The following LCT variants were observed in gnomAD, a reference collection of about 807,000 sequenced individuals.
LCT encodes the protein lactase, also known as lactase/phlorizin hydrolase.
A neutral mutation model predicts 173.0 loss-of-function variants in LCT; 90 were observed. The observed-to-expected ratio is 0.52, with a 90% CI of 0.44 to 0.62. LCT has a LOEUF of 0.62. LCT is among the 20% of genes least tolerant of loss of function. LCT has a pLI of 0.00. For synonymous variants in LCT, 853 were observed against 957.6 expected, an observed-to-expected ratio of 0.89 and a Z score of 2.02; for missense variants, 1,864 against 2,431.4, an observed-to-expected ratio of 0.77 and a Z score of 4.91.
Position 135,790,909 on chromosome 2 carries a change from T to G in LCT, c.5112-28A>C, listed in dbSNP as rs2077529556. 1 of 1,547,810 alleles carries G rather than the reference T, an allele frequency of 6.5e-7. No homozygotes were observed. The highest frequency in any genetic ancestry group is 1.7e-5 in the Admixed American group (1 of 59,876). On this transcript the variant is annotated intron_variant, in intron 14 of 16. Transcript: ENST00000264162. The surrounding 1 kb of genome is among the most constrained non-coding windows in gnomAD (Gnocchi z 4.1). Reference sequence around the variant, plus strand: ...ACAAGTTCAAAAACTAAAGATGAGGTCTTGTTTTGTAAATCTCAAGAGGCC... The same window carrying G: ...ACAAGTTCAAAAACTAAAGATGAGGGCTTGTTTTGTAAATCTCAAGAGGCC...
chr2:135,794,456 C>A, intron 14 of LCT, 185 bp downstream of exon 14: 1 of 666,436 alleles, frequency 1.5e-6, no homozygotes, highest in African/African-American at 1.8e-5. Flanking sequence ...AGACCCCGGC[C>A]TTCTCTCCCT....
intron 1 of LCT, among the ~76,000 whole-genome samples, chr2:135,835,841 G>C (rs191261438): frequency 2.3e-4 from 34 of 150,852 alleles, no homozygotes; most frequent in African/African-American, 6.8e-4. Context: ...GGGGAGCCGA[G>C]GGGGAAGGAC....
intron 14 of LCT, among the ~76,000 whole-genome samples, chr2:135,792,627 A>G (rs2077541466): frequency 6.6e-6 from 1 of 152,074 alleles, no homozygotes; most frequent in Non-Finnish European, 1.5e-5. Flanking sequence ...AGCTTTCCCA[A>G]CTTCCCTAGC....
chr2:135,819,561 C>T (rs2077810853), intron 5 of LCT, among the ~76,000 whole-genome samples: 1 of 152,198 alleles, frequency 6.6e-6, no homozygotes, highest in African/African-American at 2.4e-5. Context: ...GCACAGGGAT[C>T]TTCCTCTCAA....
intron 14 of LCT, 34 bp downstream of exon 14, chr2:135,794,607 G>A (rs1207024245): frequency 6.2e-7 from 1 of 1,611,856 alleles, no homozygotes. Context: ...GCCTTTTCCA[G>A]AGATGGCTCC....
intron 4 of LCT, chr2:135,822,390 A>G (rs1289638991): frequency 2.5e-6 from 1 of 404,542 alleles, no homozygotes; most frequent in Admixed American, 3.9e-5. Context: ...GTAGGTCTCA[A>G]GTAGGGCTCA....
intron 14 of LCT, 83 bp downstream of exon 14, chr2:135,794,558 T>A: frequency 3.4e-6 from 5 of 1,455,860 alleles, no homozygotes; most frequent in Non-Finnish European, 4.8e-6. Flanking sequence ...GTTTTGAGGC[T>A]GGGCAGGCCT....
In LCT at chr2:135,808,915, G is replaced by A. The variant is rs1391388446; in HGVS notation, c.3432C>T (p.Asp1144=). The A allele has an allele frequency of 3.7e-6, 6 of 1,614,232 alleles. No individual in the cohort carries two copies. The East Asian group carries it at 8.9e-5, about 24-fold the overall frequency. ...AGCCCAGGGAGAACTGCAGCATTCG[G>A]TCAGCGGCTTCCACATCTCTGGGGA... The part of the protein sequence containing the change: ...PGVPRDVEAA[D]RMLQFSLGWF... The change falls in exon 8 of 17, where the codon GAC becomes GAT. Residue 1144 remains aspartate (D), a synonymous_variant. Transcript: ENST00000264162.
intron 13 of LCT, among the ~76,000 whole-genome samples, chr2:135,796,456 G>T (rs1157372882): frequency 6.6e-6 from 1 of 152,190 alleles, no homozygotes; most frequent in African/African-American, 2.4e-5. Context: ...CTTCACTGCT[G>T]CTGGGCTGGT....
Position 135,809,268 on chromosome 2 carries a change from G to A in LCT, c.3079C>T (p.Leu1027Phe), listed in dbSNP as rs772255416. The A allele has an allele frequency of 6.2e-6, 10 of 1,614,250 alleles. No individual in the cohort carries two copies. Among genetic ancestry groups the A allele is most frequent in the Non-Finnish European group, 8.5e-6 (10 of 1,180,048 alleles). ...TLFHWDLPQALQDIGGWENPA... is the reference protein window; with the variant it reads ...TLFHWDLPQAFQDIGGWENPA... ...TTCTCCCAGCCTCCGATATCCTGGA[G>A]GGCCTGGGGCAGGTCCCAATGGAAC... Residue 1027 changes from leucine to phenylalanine, a missense_variant, in exon 8 of 17, where the codon CTC becomes TTC. Physicochemically the swap from Leu to Phe is conservative, Grantham distance 22 (BLOSUM62 0). Coordinates refer to ENST00000264162, the MANE Select transcript of LCT (RefSeq NM_002299.4). The surrounding 1 kb of genome is among the most constrained non-coding windows in gnomAD (Gnocchi z 5.5).
intron 7 of LCT, among the ~76,000 whole-genome samples, chr2:135,811,562 C>T (rs1353318746): frequency 6.6e-6 from 1 of 152,016 alleles, no homozygotes; most frequent in Non-Finnish European, 1.5e-5. Flanking sequence ...GAAATGAAGA[C>T]CAGTGTGGCT....
chr2:135,789,441 T>C (rs2077517132), intron 16 of LCT, 130 bp downstream of exon 16: 1 of 716,712 alleles, frequency 1.4e-6, no homozygotes, highest in African/African-American at 1.8e-5. Context: ...AAAATAAACA[T>C]TTGTTGAATG....
At chr2:135,822,888 A>T (rs2077847808) in intron 4 of LCT, 1 of 152,456 alleles carries the variant, frequency 6.6e-6, no homozygotes, top group Non-Finnish European at 1.5e-5. Context: ...GTGGGACTGG[A>T]TTAGTTACCA....
At chr2:135,805,436 A>G (rs2077663568) in intron 9 of LCT, among the ~76,000 whole-genome samples, 1 of 152,234 alleles carries the variant, frequency 6.6e-6, no homozygotes, top group Non-Finnish European at 1.5e-5. Context: ...CGCAGACAGA[A>G]GATGGAAAGC....
At chr2:135,824,077 A>G in intron 3 of LCT, 74 bp from the exon 4 acceptor site, 1 of 997,450 alleles carries the variant, frequency 1.0e-6, no homozygotes. Context: ...CAGAGTTTCA[A>G]GATGAGAAGC....
At chr2:135,794,826 G>A in intron 13 of LCT, 51 bp from the exon 14 acceptor site, 2 of 1,611,328 alleles carry the variant, frequency 1.2e-6, no homozygotes, top group Non-Finnish European at 1.7e-6. Context: ...GCCATGCTTT[G>A]AGAAGAGAAC....
chr2:135,810,301 A>G (rs772268368), intron 7 of LCT: 7 of 263,988 alleles, frequency 2.7e-5, no homozygotes, highest in Non-Finnish European at 4.3e-5. Context: ...TCAATAAAAT[A>G]GTTTTTATTG....
At chr2:135,796,957 T>G (rs2077587066) in intron 13 of LCT, among the ~76,000 whole-genome samples, 1 of 150,440 alleles carries the variant, frequency 6.6e-6, no homozygotes, top group Non-Finnish European at 1.5e-5. Flanking sequence ...TTTTTTTTTT[T>G]TTTTTTGAGA....
In LCT at chr2:135,823,892, C is replaced by A; in HGVS notation, c.907+9G>T. 2.5e-6 allele frequency: 4 copies of A among 1,574,056 alleles called. No homozygotes were observed. The highest frequency in any genetic ancestry group is 3.5e-6 in the Non-Finnish European group (4 of 1,143,458). On this transcript the variant is annotated intron_variant, in intron 4 of 16. Coordinates refer to ENST00000264162, the MANE Select transcript of LCT (RefSeq NM_002299.4). ...TCACTCAAAACCTCTTCAGCAATGGCCCACTCACCTTCAAAAAGGCTGAAG... is the reference window on the plus strand; with the variant it reads ...TCACTCAAAACCTCTTCAGCAATGGACCACTCACCTTCAAAAAGGCTGAAG...
Sources: gnomAD v4.1 joint callset for allele counts (sites outside exome capture counted in the v4.1 genomes callset) on GRCh38, gnomAD v4.1.1 for gene constraint, Gnocchi (gnomAD v3.1) non-coding constraint, MANE v1.5 for transcripts, NCBI Gene and HGNC (gene_info 2026-07-23, HGNC 2026-07-21) for gene names.